The following DLGAP2 variants were observed in gnomAD, a reference collection of about 807,000 sequenced individuals.
The protein encoded by DLGAP2 is DLG associated protein 2, also known as disks large-associated protein 2.
A neutral mutation model predicts 100.3 loss-of-function variants in DLGAP2; 26 were observed. The ratio of observed to expected loss-of-function variants is 0.26; its 90% CI spans 0.19 to 0.36. DLGAP2 has a LOEUF of 0.36. Ranked by LOEUF, DLGAP2 falls within the 10% of genes least tolerant of loss-of-function variation. The pLI is 1.00. For missense variants in DLGAP2, 1,858 were observed against 1,453.2 expected (o/e 1.28, Z -4.53); for synonymous variants, 886 against 630.1 (o/e 1.41, Z -6.08).
intron 2 of DLGAP2, among the ~76,000 whole-genome samples, chr8:1,104,269 C>G (rs532832702): frequency 2.7e-4 from 41 of 152,186 alleles, no homozygotes; most frequent in African/African-American, 9.4e-4. Context: ...AGGGTTGACG[C>G]CAGCCCAGTA....
intron 3 of DLGAP2, among the ~76,000 whole-genome samples, chr8:1,465,378 C>T (rs1240606320): frequency 6.6e-6 from 1 of 151,082 alleles, no homozygotes; most frequent in Non-Finnish European, 1.5e-5. Context: ...AAGAGATGAG[C>T]AGAGCGAAGG....
intron 2 of DLGAP2, among the ~76,000 whole-genome samples, chr8:914,693 C>T (rs1369100612): frequency 6.6e-6 from 1 of 152,212 alleles, no homozygotes; most frequent in Non-Finnish European, 1.5e-5. Context: ...ACGTATTTAT[C>T]TAGGTTTGTG....
intron 12 of DLGAP2, among the ~76,000 whole-genome samples, chr8:1,690,065 G>C (rs759065200): frequency 1.3e-5 from 2 of 152,190 alleles, no homozygotes; most frequent in South Asian, 2.1e-4. Flanking sequence ...AGACTCAAGA[G>C]AGGGTGTGGG....
At chr8:1,000,781 G>A (rs1800932749) in intron 2 of DLGAP2, among the ~76,000 whole-genome samples, 1 of 152,160 alleles carries the variant, frequency 6.6e-6, no homozygotes, top group Non-Finnish European at 1.5e-5. Flanking sequence ...GTGACGGTGT[G>A]GAGGTGGCTC....
At chr8:1,427,749 T>C (rs773485815) in intron 3 of DLGAP2, among the ~76,000 whole-genome samples, 10 of 152,164 alleles carry the variant, frequency 6.6e-5, no homozygotes, top group Non-Finnish European at 1.5e-4. Context: ...ATGCCCTTCA[T>C]CTCCCACCAT....
chr8:867,249 A>C (rs920311673), intron 1 of DLGAP2, among the ~76,000 whole-genome samples: 10 of 152,224 alleles, frequency 6.6e-5, no homozygotes, highest in African/African-American at 2.4e-4. Context: ...CCTGGATGCA[A>C]CCAGCTCTTT....
intron 8 of DLGAP2, among the ~76,000 whole-genome samples, chr8:1,663,405 C>A (rs1798464164): frequency 6.6e-6 from 1 of 152,030 alleles, no homozygotes; most frequent in Non-Finnish European, 1.5e-5. Flanking sequence ...TACTGTGCAC[C>A]CGTCTTCGCC....
intron 1 of DLGAP2, among the ~76,000 whole-genome samples, chr8:798,075 G>A (rs368620583): frequency 5.3e-5 from 8 of 152,156 alleles, no homozygotes; most frequent in African/African-American, 1.4e-4. Flanking sequence ...AACTGCTCCC[G>A]AGGCCCCTGT....
chr8:1,435,473 G>A (rs370639626), intron 3 of DLGAP2, among the ~76,000 whole-genome samples: 1 of 152,216 alleles, frequency 6.6e-6, no homozygotes, highest in Non-Finnish European at 1.5e-5. Flanking sequence ...CATGACTCAC[G>A]TGTGACTTAC....
At chr8:936,061 G>C (rs1291893604) in intron 2 of DLGAP2, among the ~76,000 whole-genome samples, 1 of 152,194 alleles carries the variant, frequency 6.6e-6, no homozygotes, top group Non-Finnish European at 1.5e-5. Flanking sequence ...CTGGAAATTA[G>C]CTCGCGGAGC....
intron 2 of DLGAP2, among the ~76,000 whole-genome samples, chr8:1,065,178 C>T (rs549576121): frequency 2.4e-4 from 37 of 152,302 alleles, no homozygotes; most frequent in African/African-American, 7.9e-4. Flanking sequence ...TGCACACAAC[C>T]CAGTGTTCGC....
intron 6 of DLGAP2, among the ~76,000 whole-genome samples, chr8:1,596,011 A>G (rs564267754): frequency 1.4e-4 from 21 of 151,600 alleles, no homozygotes; most frequent in African/African-American, 5.1e-4. Context: ...CCCTAATGCT[A>G]TCCCTCCCCT....
intron 3 of DLGAP2, among the ~76,000 whole-genome samples, chr8:1,328,502 G>GTTTT (rs1801074986): frequency 6.6e-6 from 1 of 151,042 alleles, no homozygotes; most frequent in African/African-American, 2.4e-5. Context: ...TTGTTTTTTT[G>GTTTT]TTTGTTTGTT....
intron 2 of DLGAP2, among the ~76,000 whole-genome samples, chr8:1,033,949 ACGCTCATCCCGACCCCGCG>A (rs1802054561): frequency 8.8e-6 from 1 of 113,704 alleles, no homozygotes; most frequent in Admixed American, 9.3e-5. Flanking sequence ...GTGGACTCAC[ACGCTCATCCCGACCCCGCG>A]TGTCACCGTG....
intron 2 of DLGAP2, among the ~76,000 whole-genome samples, chr8:1,024,861 C>A (rs771318848): frequency 6.6e-6 from 1 of 152,176 alleles, no homozygotes; most frequent in African/African-American, 2.4e-5. Context: ...ACTCCATTTC[C>A]CAACTGCAGC....
chr8:824,803 C>A (rs969571502), intron 1 of DLGAP2, among the ~76,000 whole-genome samples: 1 of 152,122 alleles, frequency 6.6e-6, no homozygotes, highest in African/African-American at 2.4e-5. Context: ...GTGGTCACAC[C>A]CACTTCCTTT....
chr8:1,032,157 C>T (rs562839223), intron 2 of DLGAP2, among the ~76,000 whole-genome samples: 7 of 152,354 alleles, frequency 4.6e-5, no homozygotes, highest in Non-Finnish European at 7.3e-5. Flanking sequence ...GCCAGGACGG[C>T]GCAAGTTAGC....
intron 8 of DLGAP2, among the ~76,000 whole-genome samples, chr8:1,658,464 C>T (rs542166961): frequency 3.9e-5 from 6 of 152,224 alleles, no homozygotes; most frequent in South Asian, 4.1e-4. Context: ...GCTATGGATC[C>T]GTCTGGTCCT....
At chr8:1,552,034 A>G (rs1233321581) in intron 5 of DLGAP2, among the ~76,000 whole-genome samples, 1 of 151,642 alleles carries the variant, frequency 6.6e-6, no homozygotes, top group Non-Finnish European at 1.5e-5. Context: ...GGTTGGTCTG[A>G]TTGTGTCTGT....
Sources: allele counts gnomAD v4.1 joint callset (sites outside exome capture counted in the v4.1 genomes callset), GRCh38; gene constraint gnomAD v4.1.1; transcripts MANE v1.5; gene names NCBI Gene and HGNC (gene_info 2026-07-23, HGNC 2026-07-21).